Variants in CFAP77 observed in about 807,000 individuals in gnomAD.
The protein encoded by CFAP77 is cilia and flagella associated protein 77.
CFAP77 carries 25 observed loss-of-function variants against 31.1 expected under a neutral mutation model. The ratio of observed to expected loss-of-function variants is 0.80; its 90% confidence interval spans 0.59 to 1.12. The LOEUF (loss-of-function observed/expected upper bound fraction) is 1.12. Among genes scored for constraint, CFAP77 ranks in the 50% most tolerant of loss-of-function variants. The probability of loss-of-function intolerance (pLI) is 0.00; values close to 1 mark genes in which losing one functional copy is unlikely to be tolerated. For missense variants in CFAP77, 377 were observed against 397.3 expected (o/e 0.95, Z 0.44); for synonymous variants, 151 against 159.9 (o/e 0.94, Z 0.42).
intron 1 of CFAP77, among the ~76,000 whole-genome samples, chr9:132,456,411 A>T (rs1850914196): frequency 6.6e-6 from 1 of 152,132 alleles, no homozygotes; most frequent in Admixed American, 6.5e-5. Flanking sequence ...CATATTCCCT[A>T]CGGCGCCTCC....
chr9:132,550,055 C>T (rs1037993886), intron 5 of CFAP77, among the ~76,000 whole-genome samples: 1 of 152,172 alleles, frequency 6.6e-6, no homozygotes, highest in African/African-American at 2.4e-5. Context: ...GGCCAAGTTC[C>T]TAGAGCAGCA....
intron 3 of CFAP77, among the ~76,000 whole-genome samples, chr9:132,505,376 C>T (rs1851915459): frequency 6.6e-6 from 1 of 152,218 alleles, no homozygotes; most frequent in Admixed American, 6.5e-5. Context: ...GGTTCCCAAT[C>T]CACACCGATT....
In CFAP77 at chr9:132,545,655, G is replaced by A. The variant is rs189141583; in HGVS notation, c.732+2608G>A. On this transcript the variant is annotated intron_variant, in intron 5 of 5. Coordinates refer to ENST00000393216, the MANE Select transcript of CFAP77 (RefSeq NM_001282957.2). This position sits in a 1 kb window ranked among gnomAD's most constrained non-coding sequence, Gnocchi z 4.6. ...GAGACCCTTAGACACACAGAGTGCT[G>A]CCGTTATGGGTGTCACACGCAGTCG... 6.6e-6 allele frequency among the ~76,000 whole-genome samples: 1 copy of A among 152,326 alleles called. No homozygotes were observed. Among genetic ancestry groups the A allele is most frequent in the Non-Finnish European group, 1.5e-5 (1 of 68,016 alleles).
intron 3 of CFAP77, among the ~76,000 whole-genome samples, chr9:132,530,136 CTTTTTTTT>C (rs750962954): frequency 1.1e-4 from 10 of 93,264 alleles, no homozygotes; most frequent in African/African-American, 3.4e-4. Context: ...TCTTTCTTTT[CTTTTTTTT>C]TTTTTTTTTT....
chr9:132,481,961 G>T lies in CFAP77; in HGVS notation c.196-16734G>T, dbSNP rs1244843388. On this transcript the variant is annotated intron_variant, in intron 1 of 5. Transcript: ENST00000393216. The surrounding 1 kb of genome is among the most constrained non-coding windows in gnomAD (Gnocchi z 5.0). ...AGGAAGGAACAAGGGTTTATGGTTG[G>T]GGGGGGGGGGGGCGGCGGAACACTG... is the stretch of plus-strand genomic sequence containing the variant. Among the ~76,000 whole-genome samples, 42 of 5,652 alleles carry T rather than the reference G, an allele frequency of 7.4e-3. No homozygotes were observed. Among genetic ancestry groups the T allele is most frequent in the Non-Finnish European group, 9.7e-3 (34 of 3,490 alleles). 3.7% of individuals were successfully genotyped at this position (5,652 alleles called of 152,430 possible). A position where few individuals can be genotyped will look rare whatever the true frequency, so the allele number is the denominator to read the frequency against.
intron 3 of CFAP77, among the ~76,000 whole-genome samples, chr9:132,523,094 T>C (rs995409485): frequency 1.3e-5 from 2 of 150,884 alleles, no homozygotes; most frequent in Admixed American, 6.6e-5. Flanking sequence ...CTTTCTTTTT[T>C]TTTTTTTTTT....
In CFAP77 at chr9:132,539,841, G is replaced by A. The variant is rs1186366934; in HGVS notation, c.630+2135G>A. On this transcript the variant is annotated intron_variant, in intron 4 of 5. Transcript: ENST00000393216. The surrounding 1 kb of genome is among the most constrained non-coding windows in gnomAD (Gnocchi z 4.3). ...CAAGAGTCCACTTGCTGTGGTGATG[G>A]CCGATTTCAGAGGGAGCATTACCAG... 6.6e-6 allele frequency among the ~76,000 whole-genome samples: 1 copy of A among 152,224 alleles called. No homozygotes were observed. The highest frequency in any genetic ancestry group is 2.4e-5 in the African/African-American group (1 of 41,456).
intron 1 of CFAP77, among the ~76,000 whole-genome samples, chr9:132,443,117 C>T (rs919984890): frequency 2.0e-5 from 3 of 152,054 alleles, no homozygotes; most frequent in African/African-American, 7.2e-5. Context: ...TCATCCATGT[C>T]GCAGCAAGTA....
intron 5 of CFAP77, among the ~76,000 whole-genome samples, chr9:132,551,348 G>A (rs1852817247): frequency 6.6e-6 from 1 of 151,662 alleles, no homozygotes; most frequent in Non-Finnish European, 1.5e-5. Flanking sequence ...GCCCAGGCTG[G>A]AGTGCAGTGG....
Position 132,545,267 on chromosome 9 carries a change from G to C in CFAP77, c.732+2220G>C, listed in dbSNP as rs1478489972. ...CATGCCAGGCACTGTGTGAGGTCAT[G>C]TGTGCATATTACTTCATTTCAGCCT... On this transcript the variant is annotated intron_variant, in intron 5 of 5. Coordinates refer to ENST00000393216, the MANE Select transcript of CFAP77 (RefSeq NM_001282957.2). The surrounding 1 kb of genome is among the most constrained non-coding windows in gnomAD (Gnocchi z 4.6). Among the ~76,000 whole-genome samples, 2 of 152,218 alleles carry C rather than the reference G, an allele frequency of 1.3e-5. No individual in the cohort carries two copies. Among genetic ancestry groups the C allele is most frequent in the African/African-American group, 4.8e-5 (2 of 41,446 alleles).
intron 1 of CFAP77, among the ~76,000 whole-genome samples, chr9:132,422,314 G>A (rs1261029208): frequency 6.6e-6 from 1 of 152,176 alleles, no homozygotes; most frequent in East Asian, 1.9e-4. Flanking sequence ...CAGCCCAGCA[G>A]GTGGCTTTCA....
chr9:132,572,442 A>G lies in CFAP77; in HGVS notation c.787A>G (p.Lys263Glu), dbSNP rs1444285742. Residue 263 changes from lysine to glutamate, a missense_variant, in exon 6 of 6, where the codon AAA (lysine) becomes GAA (glutamate). Lys to Glu is a moderately conservative substitution (Grantham distance 56, BLOSUM62 1). Coordinates refer to ENST00000393216, the MANE Select transcript of CFAP77 (RefSeq NM_001282957.2). ...PTEADRQRAL[K>E]AHREECAVRQ... Reference sequence around the variant, plus strand: ...GGAGGCCGATCGCCAGAGAGCATTAAAAGCCCACCGGGAAGAGTGTGCCGT... The same window carrying G: ...GGAGGCCGATCGCCAGAGAGCATTAGAAGCCCACCGGGAAGAGTGTGCCGT... 4 of 1,612,722 alleles carry G rather than the reference A, an allele frequency of 2.5e-6. No homozygotes were observed. Among genetic ancestry groups the G allele is most frequent in the Non-Finnish European group, 2.5e-6 (3 of 1,180,014 alleles).
rs1351892673 is a variant in CFAP77, at chr9:132,481,044, T to A, written c.196-17651T>A. ...CTAGCACCAAACAAAATCTTACACATCCAGTTGCTTTAAAATATCTCCAAC... is the reference window on the plus strand; with the variant it reads ...CTAGCACCAAACAAAATCTTACACAACCAGTTGCTTTAAAATATCTCCAAC... On this transcript the variant is annotated intron_variant, in intron 1 of 5. Transcript: ENST00000393216. The surrounding 1 kb of genome is among the most constrained non-coding windows in gnomAD (Gnocchi z 5.0). Among the ~76,000 whole-genome samples, 2 of 152,072 alleles carry A rather than the reference T, an allele frequency of 1.3e-5. No homozygotes were observed. Among genetic ancestry groups the A allele is most frequent in the African/African-American group, 4.8e-5 (2 of 41,420 alleles).
chr9:132,411,354 G>C (rs1002588380), intron 1 of CFAP77, among the ~76,000 whole-genome samples: 3 of 152,222 alleles, frequency 2.0e-5, no homozygotes, highest in African/African-American at 7.2e-5. Context: ...ACCGCCAGGC[G>C]CTGAGTAGAG....
At chr9:132,561,662 C>CACACACACACACACA (rs1564253362) in intron 5 of CFAP77, among the ~76,000 whole-genome samples, 3 of 50,144 alleles carry the variant, frequency 6.0e-5, no homozygotes, top group Non-Finnish European at 1.2e-4. Flanking sequence ...CACACACACA[C>CACACACACACACACA]CCCCTCCATG....
intron 1 of CFAP77, among the ~76,000 whole-genome samples, chr9:132,446,249 T>C (rs1283169289): frequency 6.6e-6 from 1 of 152,082 alleles, no homozygotes; most frequent in Non-Finnish European, 1.5e-5. Flanking sequence ...AAGAGTCTGC[T>C]CGGTCGTGCC....
chr9:132,506,497 G>C (rs1389432476), intron 3 of CFAP77, among the ~76,000 whole-genome samples: 1 of 151,880 alleles, frequency 6.6e-6, no homozygotes, highest in African/African-American at 2.4e-5. Flanking sequence ...CGCTCCTGGT[G>C]GACTCTGGGC....
intron 1 of CFAP77, among the ~76,000 whole-genome samples, chr9:132,488,798 G>A (rs1208939976): frequency 2.6e-5 from 4 of 152,226 alleles, no homozygotes; most frequent in Admixed American, 6.5e-5. Flanking sequence ...ATGATGGGGA[G>A]TGGAGGAAGC....
intron 3 of CFAP77, among the ~76,000 whole-genome samples, chr9:132,534,444 CT>C (rs1425677186): frequency 6.6e-6 from 1 of 151,900 alleles, no homozygotes; most frequent in Non-Finnish European, 1.5e-5. Context: ...AACCCCACCT[CT>C]ACTAAAAATA....
Sources: gnomAD v4.1 joint callset for allele counts (sites outside exome capture counted in the v4.1 genomes callset) on GRCh38, gnomAD v4.1.1 for gene constraint, Gnocchi (gnomAD v3.1) non-coding constraint, MANE v1.5 for transcripts, NCBI Gene and HGNC (gene_info 2026-07-23, HGNC 2026-07-21) for gene names.